SORCS2: variants seen among roughly 807,000 people sequenced by gnomAD.
SORCS2 encodes the protein VPS10 domain-containing receptor SorCS2.
In SORCS2, 100 loss-of-function variants were observed where a neutral mutation model predicts 141.6. The observed-to-expected ratio is 0.71, with a 90% CI of 0.60 to 0.83. SORCS2 has a LOEUF of 0.83. Among genes scored for constraint, SORCS2 ranks in the 40% least tolerant of loss-of-function variants. SORCS2 has a pLI of 0.00. For missense variants in SORCS2, 1,646 were observed against 1,560.2 expected, an observed-to-expected ratio of 1.05 and a Z score of -0.93; for synonymous variants, 789 against 676.9, an observed-to-expected ratio of 1.17 and a Z score of -2.57.
chr4:7,334,998 A>G (rs539530355), intron 1 of SORCS2, among the ~76,000 whole-genome samples: 2 of 152,140 alleles, frequency 1.3e-5, no homozygotes, highest in African/African-American at 4.8e-5. Context: ...GGATGGACTG[A>G]GATGCAGTCG....
chr4:7,590,098 C>G (rs190067616), intron 3 of SORCS2, among the ~76,000 whole-genome samples: 2 of 152,134 alleles, frequency 1.3e-5, no homozygotes, highest in Non-Finnish European at 2.9e-5. Flanking sequence ...AAACCCGAGT[C>G]GAATAAGAGA....
Position 7,718,061 on chromosome 4 carries a change from CAG to C in SORCS2, c.2305_2306del (p.Gln770GlyfsTer40). Reference protein sequence around the residue: ...NVCEGGVDMQQSQVQLQCPLT... With the variant: ...NVCEGGVDMQXSQVQLQCPLT... Reference sequence around the variant, plus strand: ...GTGTGAGGGTGGGGTGGACATGCAGCAGAGTCAGGTGCAGCTGCAGTGCCCCC... The same window carrying C: ...GTGTGAGGGTGGGGTGGACATGCAGCAGTCAGGTGCAGCTGCAGTGCCCCC... On this transcript the variant is annotated frameshift_variant, in exon 18 of 27. Transcript: ENST00000507866. LOFTEE classifies it high-confidence loss of function. 6.2e-7 allele frequency: 1 copy of C among 1,610,270 alleles called. No individual in the cohort carries two copies. Among genetic ancestry groups the C allele is most frequent in the Non-Finnish European group, 8.5e-7 (1 of 1,178,380 alleles).
At chr4:7,628,666 T>C (rs1719680928) in intron 3 of SORCS2, among the ~76,000 whole-genome samples, 1 of 151,968 alleles carries the variant, frequency 6.6e-6, no homozygotes, top group Admixed American at 6.6e-5. Context: ...CCTGACCATG[T>C]GGCCTCGTGC....
At chr4:7,456,069 T>C (rs1417419115) in intron 2 of SORCS2, among the ~76,000 whole-genome samples, 1 of 152,206 alleles carries the variant, frequency 6.6e-6, no homozygotes, top group East Asian at 1.9e-4. Flanking sequence ...AGATGGCCGC[T>C]ATCTCCCTGT....
intron 1 of SORCS2, among the ~76,000 whole-genome samples, chr4:7,384,051 A>G (rs1487601721): frequency 1.3e-5 from 2 of 152,214 alleles, no homozygotes; most frequent in Admixed American, 6.5e-5. Flanking sequence ...TCTTTATTTC[A>G]GACACTGGGT....
Position 7,535,060 on chromosome 4 carries a change from T to C in SORCS2, c.648+3431T>C, listed in dbSNP as rs116540277. 4.5e-3 allele frequency among the ~76,000 whole-genome samples: 680 copies of C among 152,292 alleles called. 5 individuals are homozygous for C. The highest frequency in any genetic ancestry group is 0.014 in the African/African-American group (589 of 41,552). On this transcript the variant is annotated intron_variant, in intron 3 of 26. Transcript: ENST00000507866. Reference sequence around the variant, plus strand: ...CTCCTGCTGACACACCGATCCTGATTCCTGTTGGACCCCAGGTGGCAGGAG... The same window carrying C: ...CTCCTGCTGACACACCGATCCTGATCCCTGTTGGACCCCAGGTGGCAGGAG...
At chr4:7,539,106 C>T (rs76031103) in intron 3 of SORCS2, among the ~76,000 whole-genome samples, 5,990 of 152,210 alleles carry the variant, frequency 0.039, 401 homozygotes, top group African/African-American at 0.14. Context: ...AACCAGGACG[C>T]GCCCCAGGTC....
chr4:7,738,121 C>T (rs1457458262), intron 26 of SORCS2, among the ~76,000 whole-genome samples: 1 of 152,276 alleles, frequency 6.6e-6, no homozygotes, highest in Non-Finnish European at 1.5e-5. Flanking sequence ...GACTGCATCC[C>T]TCAGCCGCAG....
intron 2 of SORCS2, among the ~76,000 whole-genome samples, chr4:7,509,001 C>T (rs1459158180): frequency 6.6e-6 from 1 of 152,178 alleles, no homozygotes; most frequent in African/African-American, 2.4e-5. Context: ...GAGACTGGGG[C>T]CACAGGGTCA....
chr4:7,237,489 G>C (rs940204753), intron 1 of SORCS2, among the ~76,000 whole-genome samples: 2 of 152,122 alleles, frequency 1.3e-5, no homozygotes, highest in African/African-American at 4.8e-5. Context: ...AGTGAACCCT[G>C]GGCCGCAAGA....
intron 2 of SORCS2, among the ~76,000 whole-genome samples, chr4:7,400,488 A>G (rs1188110973): frequency 1.3e-5 from 2 of 150,446 alleles, no homozygotes; most frequent in Non-Finnish European, 3.0e-5. Context: ...CACCACCACC[A>G]CTAGAACATA....
At chr4:7,667,410 T>G (rs1285607045) in intron 8 of SORCS2, among the ~76,000 whole-genome samples, 197 bp downstream of exon 8, 1 of 152,220 alleles carries the variant, frequency 6.6e-6, no homozygotes, top group Non-Finnish European at 1.5e-5. Flanking sequence ...GACTCAGCTG[T>G]GCCCAGCTTC....
chr4:7,698,118 A>C (rs1019441730), intron 12 of SORCS2, among the ~76,000 whole-genome samples: 2 of 152,182 alleles, frequency 1.3e-5, no homozygotes, highest in African/African-American at 4.8e-5. Flanking sequence ...GCCTCACTGT[A>C]CACTGGCTGT....
intron 2 of SORCS2, among the ~76,000 whole-genome samples, chr4:7,521,205 C>T (rs1733308291): frequency 6.6e-6 from 1 of 152,112 alleles, no homozygotes; most frequent in Non-Finnish European, 1.5e-5. Context: ...AACTCCTCCC[C>T]AAACAGCTTT....
intron 1 of SORCS2, chr4:7,381,884 A>T (rs1466432418): frequency 1.0e-6 from 1 of 985,854 alleles, no homozygotes; most frequent in East Asian, 1.1e-4. Flanking sequence ...GGCAGGCCAC[A>T]GCCTTCAACC....
intron 2 of SORCS2, among the ~76,000 whole-genome samples, chr4:7,454,779 GTGTGTTGGGGTCTGGTGC>G (rs1728758072): frequency 8.0e-6 from 1 of 124,828 alleles, no homozygotes; most frequent in South Asian, 3.0e-4. Flanking sequence ...GGTCAGTGCT[GTGTGTTGGGGTCTGGTGC>G]TGTGTTGGGG....
intron 1 of SORCS2, among the ~76,000 whole-genome samples, chr4:7,388,049 TGC>T (rs1218751388): frequency 6.7e-6 from 1 of 148,786 alleles, no homozygotes; most frequent in Non-Finnish European, 1.5e-5. Flanking sequence ...CACACACACA[TGC>T]ACACACATAC....
At chr4:7,544,100 G>T (rs1229948800) in intron 3 of SORCS2, among the ~76,000 whole-genome samples, 1 of 98,358 alleles carries the variant, frequency 1.0e-5, no homozygotes, top group African/African-American at 4.1e-5. Flanking sequence ...ACCCATGCAT[G>T]CATCCACCCA....
At chr4:7,533,509 G>T (rs955167264) in intron 3 of SORCS2, among the ~76,000 whole-genome samples, 5 of 152,192 alleles carry the variant, frequency 3.3e-5, no homozygotes, top group African/African-American at 1.2e-4. Flanking sequence ...CCTTCCAGCG[G>T]CTGCCCTTCT....
Sources: allele counts gnomAD v4.1 joint callset (sites outside exome capture counted in the v4.1 genomes callset), GRCh38; gene constraint gnomAD v4.1.1; transcripts MANE v1.5; gene names NCBI Gene and HGNC (gene_info 2026-07-23, HGNC 2026-07-21).